UTRN: variants seen among roughly 807,000 people sequenced by gnomAD.
The protein encoded by UTRN is dystrophin-related protein 1.
Under a neutral mutation model 463.9 loss-of-function variants are expected in UTRN, and 283 were observed. The observed-to-expected ratio is 0.61, with a 90% CI of 0.55 to 0.67. The LOEUF (loss-of-function observed/expected upper bound fraction) is 0.67. Among genes scored for constraint, UTRN ranks in the 30% least tolerant of loss-of-function variants. UTRN has a pLI of 0.00. For missense variants in UTRN, 3,922 were observed against 4,084.3 expected (o/e 0.96, Z 1.08); for synonymous variants, 1,442 against 1,431.5 (o/e 1.01, Z -0.17).
intron 41 of UTRN, among the ~76,000 whole-genome samples, chr6:144,525,930 C>G (rs1415813630): frequency 2.0e-5 from 3 of 152,152 alleles, no homozygotes; most frequent in African/African-American, 7.2e-5. Context: ...ATCTTGATTT[C>G]ATTGATGACC....
intron 34 of UTRN, among the ~76,000 whole-genome samples, chr6:144,501,616 T>C (rs1794188117): frequency 6.6e-6 from 1 of 152,192 alleles, no homozygotes; most frequent in South Asian, 2.1e-4. Context: ...GCATAGTATT[T>C]CATTCTTAAT....
intron 74 of UTRN, among the ~76,000 whole-genome samples, chr6:144,850,504 G>T (rs1169554484): frequency 6.6e-6 from 1 of 151,814 alleles, no homozygotes. Context: ...GATTTATATT[G>T]TCTCTGACCT....
intron 2 of UTRN, among the ~76,000 whole-genome samples, chr6:144,334,149 GTT>G (rs1776538364): frequency 6.6e-6 from 1 of 152,128 alleles, no homozygotes; most frequent in Non-Finnish European, 1.5e-5. Context: ...CTAATGTTGG[GTT>G]TCTGTGCCTG....
chr6:144,522,926 A>G (rs896410443), intron 40 of UTRN, 90 bp from the exon 41 acceptor site: 2 of 986,340 alleles, frequency 2.0e-6, no homozygotes, highest in South Asian at 2.3e-5. Context: ...ATTTCAAATG[A>G]GTGTTCTACA....
intron 53 of UTRN, among the ~76,000 whole-genome samples, chr6:144,701,286 T>C (rs1162847424): frequency 1.3e-5 from 2 of 151,686 alleles, no homozygotes; most frequent in African/African-American, 4.9e-5. Flanking sequence ...ATCTTGTTTG[T>C]GTTTAATAAA....
At chr6:144,296,349 G>A (rs991475529) in intron 2 of UTRN, among the ~76,000 whole-genome samples, 3 of 152,214 alleles carry the variant, frequency 2.0e-5, no homozygotes, top group Admixed American at 6.5e-5. Flanking sequence ...TCTAATGCCT[G>A]ATGATCTGAG....
chr6:144,792,151 A>G (rs941909368), intron 62 of UTRN, among the ~76,000 whole-genome samples: 2 of 152,214 alleles, frequency 1.3e-5, no homozygotes, highest in Non-Finnish European at 2.9e-5. Context: ...TTATAATTAA[A>G]GCCATACTTC....
At chr6:144,370,495 G>A (rs1335191317) in intron 2 of UTRN, among the ~76,000 whole-genome samples, 1 of 152,210 alleles carries the variant, frequency 6.6e-6, no homozygotes, top group South Asian at 2.1e-4. Context: ...GGATGTCCAG[G>A]CAGAGGTGTG....
At chr6:144,761,641 G>A (rs950475502) in intron 58 of UTRN, among the ~76,000 whole-genome samples, 5 of 151,846 alleles carry the variant, frequency 3.3e-5, no homozygotes, top group African/African-American at 9.7e-5. Flanking sequence ...GTGAAACTCT[G>A]TCTCCTTAAA....
At chr6:144,521,313 A>G (rs969454558) in intron 39 of UTRN, among the ~76,000 whole-genome samples, 16 of 151,898 alleles carry the variant, frequency 1.1e-4, no homozygotes, top group Middle Eastern at 3.4e-3. Context: ...TAAAAATGAA[A>G]AAGAAAGCTC....
intron 43 of UTRN, among the ~76,000 whole-genome samples, chr6:144,534,244 A>G (rs1585157463): frequency 6.6e-6 from 1 of 152,214 alleles, no homozygotes; most frequent in South Asian, 2.1e-4. Context: ...CAGAGAGAGT[A>G]TCTGGCACCT....
intron 26 of UTRN, among the ~76,000 whole-genome samples, chr6:144,481,892 G>A (rs563015592): frequency 2.6e-5 from 4 of 152,266 alleles, no homozygotes; most frequent in Admixed American, 6.5e-5. Flanking sequence ...GCCTCATCTC[G>A]ACTAAAAAAT....
intron 2 of UTRN, among the ~76,000 whole-genome samples, chr6:144,385,080 T>C (rs553478892): frequency 1.3e-5 from 2 of 152,262 alleles, no homozygotes; most frequent in Non-Finnish European, 2.9e-5. Context: ...CAAGAAAAAT[T>C]TGTGATCACG....
At chr6:144,771,500 A>C (rs1019105570) in intron 58 of UTRN, among the ~76,000 whole-genome samples, 1 of 152,110 alleles carries the variant, frequency 6.6e-6, no homozygotes, top group Non-Finnish European at 1.5e-5. Context: ...ATCTCGGCTC[A>C]CTGCAACCTC....
intron 52 of UTRN, among the ~76,000 whole-genome samples, chr6:144,688,574 T>A (rs1377371004): frequency 6.6e-6 from 1 of 152,216 alleles, no homozygotes; most frequent in Non-Finnish European, 1.5e-5. Flanking sequence ...TCCTTGAGGA[T>A]GTGATTTTAA....
intron 2 of UTRN, among the ~76,000 whole-genome samples, chr6:144,319,547 A>C (rs899121815): frequency 6.6e-6 from 1 of 152,128 alleles, no homozygotes; most frequent in Non-Finnish European, 1.5e-5. Flanking sequence ...GAAACATTGT[A>C]TGTTTCTATC....
At chr6:144,652,029 T>G (rs1225030729) in intron 51 of UTRN, among the ~76,000 whole-genome samples, 2 of 152,218 alleles carry the variant, frequency 1.3e-5, no homozygotes, top group East Asian at 1.9e-4. Flanking sequence ...TACTTCCTAA[T>G]TATTCCATAT....
intron 2 of UTRN, among the ~76,000 whole-genome samples, chr6:144,336,942 C>T (rs1366180769): frequency 6.6e-6 from 1 of 152,108 alleles, no homozygotes; most frequent in East Asian, 1.9e-4. Flanking sequence ...GTGGCCCTGG[C>T]AGATTGGACC....
chr6:144,348,332 G>C (rs746108718), intron 2 of UTRN, among the ~76,000 whole-genome samples: 1 of 152,188 alleles, frequency 6.6e-6, no homozygotes, highest in South Asian at 2.1e-4. Context: ...GGAAAGGATG[G>C]TGTGTGAAGT....
Sources: allele counts gnomAD v4.1 joint callset (sites outside exome capture counted in the v4.1 genomes callset), GRCh38; gene constraint gnomAD v4.1.1; transcripts MANE v1.5; gene names NCBI Gene and HGNC (gene_info 2026-07-23, HGNC 2026-07-21).